The following MYO5A variants were observed in gnomAD, a reference collection of about 807,000 sequenced individuals.
MYO5A encodes the protein myosin VA.
A neutral mutation model predicts 249.7 loss-of-function variants in MYO5A; 98 were observed. The observed-to-expected ratio is 0.39, with a 90% CI of 0.33 to 0.46. The LOEUF is 0.46. Among genes scored for constraint, MYO5A ranks in the 20% least tolerant of loss-of-function variants. MYO5A has a pLI of 0.98. For missense variants in MYO5A, 1,696 were observed against 2,308.8 expected (o/e 0.73, Z 5.44); for synonymous variants, 778 against 810.6 (o/e 0.96, Z 0.68).
chr15:52,384,847 A>G lies in MYO5A; in HGVS notation c.1753-525T>C, dbSNP rs116488369. Among the ~76,000 whole-genome samples the G allele has an allele frequency of 5.6e-3, 858 of 152,350 alleles. 7 individuals carry two copies. Among genetic ancestry groups the G allele is most frequent in the African/African-American group, 0.019 (803 of 41,576 alleles). On this transcript the variant is annotated intron_variant, in intron 14 of 41. Coordinates refer to ENST00000399233, the MANE Select transcript of MYO5A (RefSeq NM_001382347.1). ...GAAAATCTCAGCAGGAAAGGGTCAT[A>G]AACAAATTCTACAATATTAGAAGGT... is the stretch of plus-strand genomic sequence containing the variant.
intron 40 of MYO5A, among the ~76,000 whole-genome samples, chr15:52,316,669 T>C (rs1478738462): frequency 6.6e-6 from 1 of 152,236 alleles, no homozygotes; most frequent in Non-Finnish European, 1.5e-5. Context: ...AAAGTCACTA[T>C]TTGATAATCC....
chr15:52,411,793 A>T (rs1421056243), intron 5 of MYO5A, among the ~76,000 whole-genome samples: 1 of 152,246 alleles, frequency 6.6e-6, no homozygotes, highest in Non-Finnish European at 1.5e-5. Context: ...TCAATCAAAG[A>T]AAATATATTT....
intron 1 of MYO5A, among the ~76,000 whole-genome samples, chr15:52,513,835 T>C (rs1174662213): frequency 6.6e-6 from 1 of 152,190 alleles, no homozygotes; most frequent in Admixed American, 6.5e-5. Flanking sequence ...ATCTCTGACA[T>C]GGGTCAGTAC....
chr15:52,512,190 A>G (rs1310465376), intron 1 of MYO5A, among the ~76,000 whole-genome samples: 1 of 152,062 alleles, frequency 6.6e-6, no homozygotes, highest in Non-Finnish European at 1.5e-5. Context: ...TGATATCATA[A>G]TTCACCAAGT....
At chr15:52,350,394 C>T (rs1001774626) in intron 28 of MYO5A, among the ~76,000 whole-genome samples, 3 of 152,114 alleles carry the variant, frequency 2.0e-5, no homozygotes, top group Admixed American at 6.5e-5. Context: ...TCCGATTATA[C>T]GTGCCAGGCA....
intron 3 of MYO5A, among the ~76,000 whole-genome samples, chr15:52,427,065 A>G (rs2075411368): frequency 6.6e-6 from 1 of 152,204 alleles, no homozygotes. Flanking sequence ...CAACTTATGC[A>G]TACAAAGAGA....
chr15:52,321,130 G>C (rs1001381093), intron 38 of MYO5A, among the ~76,000 whole-genome samples: 1 of 152,196 alleles, frequency 6.6e-6, no homozygotes, highest in Non-Finnish European at 1.5e-5. Context: ...AAACATTAGG[G>C]AAGGAAACCA....
chr15:52,340,432 A>T, intron 31 of MYO5A, 38 bp from the exon 32 acceptor site: 1 of 1,591,116 alleles, frequency 6.3e-7, no homozygotes, highest in Non-Finnish European at 8.6e-7. Context: ...GGGAGACGAC[A>T]CCCCGAGTTG....
chr15:52,317,328 G>A (rs2038071693), intron 39 of MYO5A, 106 bp from the exon 40 acceptor site: 9 of 1,133,694 alleles, frequency 7.9e-6, no homozygotes, highest in Non-Finnish European at 1.1e-5. Context: ...AAAATGACAG[G>A]CAGTATTTTT....
chr15:52,360,313 G>A (rs1214581734), intron 24 of MYO5A, among the ~76,000 whole-genome samples: 2 of 152,206 alleles, frequency 1.3e-5, no homozygotes, highest in Non-Finnish European at 2.9e-5. Flanking sequence ...ATGCCCAAAT[G>A]AAAACCACTT....
intron 1 of MYO5A, among the ~76,000 whole-genome samples, chr15:52,507,946 T>A (rs2077309371): frequency 1.3e-5 from 2 of 152,182 alleles, no homozygotes; most frequent in South Asian, 4.1e-4. Context: ...GGGACTCTAT[T>A]ATGATATGCC....
In MYO5A at chr15:52,503,298, A is replaced by C. The variant is rs558505078; in HGVS notation, c.27+25482T>G. Among the ~76,000 whole-genome samples, 5 of 152,336 alleles carry C rather than the reference A, an allele frequency of 3.3e-5. No individual in the cohort carries two copies. The South Asian group carries it at 1.0e-3, about 32-fold the overall frequency. On this transcript the variant is annotated intron_variant, in intron 1 of 41. Transcript: ENST00000399233. ...TGTATTAAATTATAACATTACCCGCAAAATATGTACATCTATTATGTATCA... is the reference window on the plus strand; with the variant it reads ...TGTATTAAATTATAACATTACCCGCCAAATATGTACATCTATTATGTATCA...
chr15:52,409,300 G>A (rs1427544847), intron 6 of MYO5A, among the ~76,000 whole-genome samples: 1 of 151,812 alleles, frequency 6.6e-6, no homozygotes, highest in African/African-American at 2.4e-5. Context: ...TCTTCCCTTA[G>A]ATCTACCTCT....
chr15:52,321,647 TTC>T, intron 37 of MYO5A, 138 bp from the exon 38 acceptor site: 1 of 927,832 alleles, frequency 1.1e-6, no homozygotes, highest in Non-Finnish European at 1.7e-6. Context: ...AGGACTGACA[TTC>T]TCAAATGCTG....
At chr15:52,491,242 G>T (rs1384885509) in intron 1 of MYO5A, among the ~76,000 whole-genome samples, 5 of 152,140 alleles carry the variant, frequency 3.3e-5, no homozygotes, top group Non-Finnish European at 1.5e-5. Flanking sequence ...GGCCTTGGCT[G>T]TTGGATTATT....
chr15:52,376,099 G>A (rs911962884), intron 19 of MYO5A, among the ~76,000 whole-genome samples: 1 of 152,140 alleles, frequency 6.6e-6, no homozygotes, highest in African/African-American at 2.4e-5. Flanking sequence ...CAATATAAAA[G>A]TATCAAAAAT....
Position 52,311,402 on chromosome 15 carries a change from T to C in MYO5A, c.*2294A>G, listed in dbSNP as rs965982644. The stretch of plus-strand genomic sequence containing the variant: ...ACATTTGGTACGAACCAAATGGCTA[T>C]GACTTAATTGTGCATTGAAAACCGC... On this transcript the variant is annotated 3_prime_UTR_variant, in exon 42 of 42. Transcript: ENST00000399233. 2 of 152,200 alleles carry C rather than the reference T, an allele frequency of 1.3e-5. No homozygotes were observed. Among genetic ancestry groups the C allele is most frequent in the Non-Finnish European group, 1.5e-5 (1 of 68,028 alleles). The allele number at this position is 152,200 out of a possible 1,614,324, so 9.4% of individuals were successfully genotyped here.
At chr15:52,411,725 G>GT (rs2043259284) in intron 5 of MYO5A, among the ~76,000 whole-genome samples, 1 of 152,160 alleles carries the variant, frequency 6.6e-6, no homozygotes, top group South Asian at 2.1e-4. Context: ...TGATACAAAT[G>GT]TAAGTAATGA....
chr15:52,449,061 C>A (rs186425055), intron 1 of MYO5A, among the ~76,000 whole-genome samples: 1 of 147,720 alleles, frequency 6.8e-6, no homozygotes, highest in Admixed American at 6.9e-5. Context: ...CTCTGTCTCC[C>A]GGGTTCAAGC....
Sources: gnomAD v4.1 joint callset for allele counts (sites outside exome capture counted in the v4.1 genomes callset) on GRCh38, gnomAD v4.1.1 for gene constraint, MANE v1.5 for transcripts, NCBI Gene and HGNC (gene_info 2026-07-23, HGNC 2026-07-21) for gene names.